Variants in PCSK5 observed in about 807,000 individuals in gnomAD.
PCSK5 encodes the protein prohormone convertase 5.
A neutral mutation model predicts 233.2 loss-of-function variants in PCSK5; 129 were observed. The ratio of observed to expected loss-of-function variants is 0.55; its 90% CI spans 0.48 to 0.64. PCSK5 has a LOEUF of 0.64. Among genes scored for constraint, PCSK5 ranks in the 30% least tolerant of loss-of-function variants. The probability of loss-of-function intolerance (pLI) is 0.00; values close to 1 mark genes in which losing one functional copy is unlikely to be tolerated. For missense variants in PCSK5, 2,076 were observed against 2,430.1 expected, an observed-to-expected ratio of 0.85 and a Z score of 3.06; for synonymous variants, 825 against 879.2, an observed-to-expected ratio of 0.94 and a Z score of 1.09.
In PCSK5 at chr9:76,240,675, T is replaced by C; in HGVS notation, c.3133T>C (p.Cys1045Arg). 1 of 1,580,370 alleles carries C rather than the reference T, an allele frequency of 6.3e-7. No individual in the cohort carries two copies. Among genetic ancestry groups the C allele is most frequent in the Non-Finnish European group, 8.6e-7 (1 of 1,161,200 alleles). ...CCCTTGTGAAGAAGGATGTCTGGGA[T>C]GCAGCTTGGGTATGTCCTCTTCCTT... is the stretch of plus-strand genomic sequence containing the variant. ...CVPCEEGCLG[C>R]SLDDPGTCTS... The change falls in exon 24 of 38, where the codon TGC becomes CGC. Residue 1045 changes from cysteine (C) to arginine (R), a missense_variant. Cys to Arg is a radical substitution (Grantham distance 180). Around this residue, in one of 6 missense-constraint regions of PCSK5, gnomAD observed 1,510 missense variants for 1,538.1 expected, o/e 0.98. Coordinates refer to ENST00000674117, the MANE Select transcript of PCSK5 (RefSeq NM_001372043.1).
chr9:76,142,948 G>A (rs1185584534), intron 10 of PCSK5, among the ~76,000 whole-genome samples: 1 of 152,054 alleles, frequency 6.6e-6, no homozygotes, highest in African/African-American at 2.4e-5. Flanking sequence ...TTTTTCATAA[G>A]ATTACTTGGA....
At chr9:76,059,196 A>G (rs1259553966) in intron 5 of PCSK5, among the ~76,000 whole-genome samples, 1 of 152,102 alleles carries the variant, frequency 6.6e-6, no homozygotes, top group East Asian at 1.9e-4. Context: ...TGTCTGATGT[A>G]TGCTTCATTA....
At chr9:76,106,730 G>T (rs1831994924) in intron 8 of PCSK5, among the ~76,000 whole-genome samples, 1 of 152,162 alleles carries the variant, frequency 6.6e-6, no homozygotes, top group Non-Finnish European at 1.5e-5. Flanking sequence ...CACAACCAAA[G>T]GTTCTTTCTA....
chr9:76,168,776 G>A (rs895689075), intron 12 of PCSK5, among the ~76,000 whole-genome samples: 4 of 152,050 alleles, frequency 2.6e-5, no homozygotes, highest in African/African-American at 9.7e-5. Flanking sequence ...AGTGAGTTTT[G>A]ACAAATCTGT....
In PCSK5 at chr9:76,183,920, C is replaced by G. The variant is rs572088767; in HGVS notation, c.2198-753C>G. Among the ~76,000 whole-genome samples, 9 of 152,196 alleles carry G rather than the reference C, an allele frequency of 5.9e-5. 1 individual carries two copies. The South Asian group carries it at 1.5e-3, about 25-fold the overall frequency. Reference sequence around the variant, plus strand: ...AAGGTAGAAGGACTTTCTTAATATGCCAAATATTTTCCTCCACAGAACAAC... The same window carrying G: ...AAGGTAGAAGGACTTTCTTAATATGGCAAATATTTTCCTCCACAGAACAAC... On this transcript the variant is annotated intron_variant, in intron 16 of 37. Coordinates refer to ENST00000674117, the MANE Select transcript of PCSK5 (RefSeq NM_001372043.1).
chr9:76,248,632 T>C (rs2261557), intron 24 of PCSK5, among the ~76,000 whole-genome samples: 70,591 of 152,028 alleles, frequency 0.46, 16,647 homozygotes, highest in South Asian at 0.52. Context: ...AAAGTACTAC[T>C]ACAATTAATA....
intron 1 of PCSK5, among the ~76,000 whole-genome samples, chr9:75,911,814 C>G (rs1822751709): frequency 6.6e-6 from 1 of 152,112 alleles, no homozygotes; most frequent in African/African-American, 2.4e-5. Context: ...GGAAGGTATC[C>G]CAGCAGCTTG....
At position 76,338,269 on chromosome 9, in the gene PCSK5, CA is replaced by C. The variant is rs753558470; in HGVS notation, c.4790del (p.Asn1597ThrfsTer41). 101 of 1,612,430 alleles carry C rather than the reference CA, an allele frequency of 6.3e-5. No homozygotes were observed. Among genetic ancestry groups the C allele is most frequent in the Non-Finnish European group, 7.5e-5 (89 of 1,179,714 alleles). The stretch of plus-strand genomic sequence containing the variant: ...ACTCCACTGGCCGGTGTGAGAGGTG[CA>C]ACAGGAGCTGCAAGGGGTGCCAGGG... The part of the protein sequence containing the change: ...DNSTGRCERC[N>X]RSCKGCQGPR... On this transcript the variant is annotated frameshift_variant, in exon 35 of 38. Coordinates refer to ENST00000674117, the MANE Select transcript of PCSK5 (RefSeq NM_001372043.1). LOFTEE classifies it high-confidence loss of function.
At chr9:76,219,286 G>C (rs1223872998) in intron 20 of PCSK5, among the ~76,000 whole-genome samples, 1 of 152,128 alleles carries the variant, frequency 6.6e-6, no homozygotes, top group East Asian at 1.9e-4. Flanking sequence ...AGAGAAAGAG[G>C]GTAATTTGAG....
At chr9:75,908,915 CTA>C (rs755479680) in intron 1 of PCSK5, among the ~76,000 whole-genome samples, 2,435 of 128,476 alleles carry the variant, frequency 0.019, 23 homozygotes, top group Non-Finnish European at 0.027. Context: ...ATCTATCTAT[CTA>C]TCTATCTCTC....
At chr9:76,135,227 A>G (rs1307969567) in intron 10 of PCSK5, among the ~76,000 whole-genome samples, 1 of 152,082 alleles carries the variant, frequency 6.6e-6, no homozygotes, top group African/African-American at 2.4e-5. Flanking sequence ...CATATCTTAC[A>G]TATGATCTTT....
At chr9:76,152,347 C>T (rs1167138208) in intron 10 of PCSK5, among the ~76,000 whole-genome samples, 1 of 152,140 alleles carries the variant, frequency 6.6e-6, no homozygotes, top group Non-Finnish European at 1.5e-5. Context: ...TTTAGCTGGG[C>T]TTTTACATTA....
At chr9:75,896,470 G>C (rs894839107) in intron 1 of PCSK5, among the ~76,000 whole-genome samples, 2 of 152,182 alleles carry the variant, frequency 1.3e-5, no homozygotes, top group African/African-American at 4.8e-5. Context: ...GGCTGAGAGA[G>C]GGAGTCCTGA....
intron 9 of PCSK5, among the ~76,000 whole-genome samples, chr9:76,131,641 T>C (rs1433095984): frequency 6.6e-6 from 1 of 152,112 alleles, no homozygotes; most frequent in Non-Finnish European, 1.5e-5. Flanking sequence ...AGAATACAGG[T>C]GCTTAAGGTA....
chr9:76,018,357 A>G (rs1587504394), intron 3 of PCSK5, among the ~76,000 whole-genome samples: 1 of 152,224 alleles, frequency 6.6e-6, no homozygotes, highest in African/African-American at 2.4e-5. Flanking sequence ...GCGGACCAGT[A>G]TTGATCGCGG....
intron 1 of PCSK5, among the ~76,000 whole-genome samples, chr9:75,911,708 G>A: frequency 6.6e-6 from 1 of 152,144 alleles, no homozygotes; most frequent in East Asian, 1.9e-4. Flanking sequence ...GGTGGTTGGT[G>A]CTGGTTGCTG....
intron 18 of PCSK5, 88 bp downstream of exon 18, chr9:76,188,763 ATACTTTTAAAGTAATGCTGGAAAAGT>A: frequency 1.1e-6 from 1 of 893,168 alleles, no homozygotes; most frequent in Non-Finnish European, 1.8e-6. Flanking sequence ...AACCCACTTG[ATACTTTTAAAGTAATGCTGGAAAAGT>A]TTATTTCTCG....
intron 3 of PCSK5, among the ~76,000 whole-genome samples, chr9:75,986,596 A>G (rs771980657): frequency 3.9e-5 from 6 of 152,178 alleles, no homozygotes; most frequent in Non-Finnish European, 7.3e-5. Context: ...TCTGATACAC[A>G]TTTACTGTAC....
chr9:76,096,944 T>A (rs1187233723), intron 8 of PCSK5, among the ~76,000 whole-genome samples: 8 of 151,562 alleles, frequency 5.3e-5, no homozygotes, highest in Non-Finnish European at 1.2e-4. Flanking sequence ...TTTTATTTTT[T>A]TTTTTGAGAC....
Sources: gnomAD v4.1 joint callset for allele counts (sites outside exome capture counted in the v4.1 genomes callset) on GRCh38, gnomAD v4.1.1 for gene constraint, gnomAD v4.1.1 regional missense constraint, MANE v1.5 for transcripts, NCBI Gene and HGNC (gene_info 2026-07-23, HGNC 2026-07-21) for gene names.